Variants in NPHP4 observed in about 807,000 individuals in gnomAD.
The protein encoded by NPHP4 is nephrocystin-4.
NPHP4 carries 151 observed loss-of-function variants against 155.8 expected under a neutral mutation model. The ratio of observed to expected loss-of-function variants is 0.97; its 90% confidence interval spans 0.85 to 1.11. The LOEUF (loss-of-function observed/expected upper bound fraction) is 1.11, where lower values mean the gene tolerates loss of function less well. Among genes scored for constraint, NPHP4 ranks in the 50% least tolerant of loss-of-function variants. NPHP4 has a pLI of 0.00. For synonymous variants in NPHP4, 845 were observed against 816.8 expected (o/e 1.03, Z -0.59); for missense variants, 1,956 against 1,925.7 (o/e 1.02, Z -0.29).
Position 5,905,533 on chromosome 1 carries a change from T to C in NPHP4, c.1764-50A>G, listed in dbSNP as rs368710399. 118 of 1,595,978 alleles carry C rather than the reference T, an allele frequency of 7.4e-5. No individual in the cohort carries two copies. Among genetic ancestry groups the C allele is most frequent in the Non-Finnish European group, 9.2e-5 (107 of 1,166,118 alleles). ...AGCCTCCCGGGAAAGGGGGGACCCA[T>C]TGATGCACCTCCCTGTGGAAACCCT... On this transcript the variant is annotated intron_variant, in intron 14 of 29. Transcript: ENST00000378156. This position sits in a 1 kb window ranked among gnomAD's most constrained non-coding sequence, Gnocchi z 4.0.
chr1:5,923,548 C>G (rs114395922), intron 11 of NPHP4, among the ~76,000 whole-genome samples: 2,315 of 152,276 alleles, frequency 0.015, 59 homozygotes, highest in African/African-American at 0.053. Flanking sequence ...GAAAGAACCA[C>G]CAGAGAGGAT....
chr1:5,931,813 G>A (rs992459128), intron 10 of NPHP4, among the ~76,000 whole-genome samples: 3 of 149,884 alleles, frequency 2.0e-5, no homozygotes, highest in African/African-American at 4.9e-5. Context: ...GGTGACTCAC[G>A]CCTATAATCC....
chr1:5,869,233 GCACACACA>G (rs71571877), intron 23 of NPHP4, among the ~76,000 whole-genome samples: 4 of 92,782 alleles, frequency 4.3e-5, no homozygotes, highest in African/African-American at 9.4e-5. Flanking sequence ...CCACCCACAT[GCACACACA>G]CACACACACA....
intron 5 of NPHP4, among the ~76,000 whole-genome samples, chr1:5,965,720 A>G (rs1333163587): frequency 6.6e-6 from 1 of 152,038 alleles, no homozygotes; most frequent in Admixed American, 6.6e-5. Flanking sequence ...TTCTTCCCTC[A>G]GGACTGGAAC....
chr1:5,937,930 G>A (rs958259885), intron 9 of NPHP4, among the ~76,000 whole-genome samples: 4 of 152,216 alleles, frequency 2.6e-5, no homozygotes, highest in South Asian at 2.1e-4. Flanking sequence ...CTGGGAACAC[G>A]CGCAGTCACA....
At chr1:5,897,919 A>G (rs1021398091) in intron 16 of NPHP4, among the ~76,000 whole-genome samples, 9 of 152,266 alleles carry the variant, frequency 5.9e-5, no homozygotes, top group African/African-American at 1.7e-4. Context: ...ATAAACAGTT[A>G]AGCAATGTTC....
intron 27 of NPHP4, chr1:5,864,899 G>A (rs1451751788): frequency 3.4e-6 from 2 of 579,792 alleles, no homozygotes; most frequent in African/African-American, 1.9e-5. Flanking sequence ...GGCCTTTGGG[G>A]TTGGTGTGTA....
intron 3 of NPHP4, among the ~76,000 whole-genome samples, chr1:5,970,588 C>A (rs1036856422): frequency 6.6e-6 from 1 of 152,118 alleles, no homozygotes; most frequent in African/African-American, 2.4e-5. Flanking sequence ...AGGGAATGCG[C>A]ATCCCCAGGC....
chr1:5,977,637 T>C (rs10864303), intron 3 of NPHP4, among the ~76,000 whole-genome samples: 126,226 of 150,482 alleles, frequency 0.84, 53,171 homozygotes, highest in African/African-American at 0.94. Context: ...GAATGGAATG[T>C]ATGCTGTGCA....
At chr1:5,922,411 T>C (rs1645787050) in intron 11 of NPHP4, among the ~76,000 whole-genome samples, 1 of 152,222 alleles carries the variant, frequency 6.6e-6, no homozygotes, top group Non-Finnish European at 1.5e-5. Flanking sequence ...TTTTGTCCCA[T>C]TATCTATTTA....
intron 1 of NPHP4, among the ~76,000 whole-genome samples, chr1:5,991,803 C>G (rs1656368054): frequency 6.6e-6 from 1 of 151,868 alleles, no homozygotes; most frequent in South Asian, 2.1e-4. Context: ...CGGAGGGGCG[C>G]GGCCAGGCGG....
chr1:5,983,351 T>G lies in NPHP4; in HGVS notation c.135+2804A>C, dbSNP rs559221911. Among the ~76,000 whole-genome samples, 5 of 152,326 alleles carry G rather than the reference T, an allele frequency of 3.3e-5. No individual in the cohort carries two copies. In the South Asian group the frequency reaches 1.0e-3, roughly 32 times the overall value. ...CTGGGAACTTAGATTTCAAGAGAGT[T>G]CCTACCACCTAACTGGTAAGAGGAG... On this transcript the variant is annotated intron_variant, in intron 2 of 29. Transcript: ENST00000378156.
Position 5,867,195 on chromosome 1 carries a change from T to C in NPHP4, c.3473-80A>G, listed in dbSNP as rs1641329636. The C allele has an allele frequency of 1.8e-6, 2 of 1,089,884 alleles. No homozygotes were observed. The highest frequency in any genetic ancestry group is 2.0e-5 in the Admixed American group (1 of 49,048). The allele number at this position is 1,089,884 out of a possible 1,614,324, so 67.5% of individuals were successfully genotyped here. A position where few individuals can be genotyped will look rare whatever the true frequency, so the allele number is the denominator to read the frequency against. On this transcript the variant is annotated intron_variant, in intron 24 of 29. Transcript: ENST00000378156. This position sits in a 1 kb window ranked among gnomAD's most constrained non-coding sequence, Gnocchi z 4.1. ...AGAAGGCCCCACACATTACACACTA[T>C]AGGACAGGACAGGCTCGTCACAGGT...
At chr1:5,991,142 G>T (rs535560218) in intron 1 of NPHP4, among the ~76,000 whole-genome samples, 1 of 152,240 alleles carries the variant, frequency 6.6e-6, no homozygotes, top group African/African-American at 2.4e-5. Flanking sequence ...CTGAGACCCA[G>T]ATGCCTTGGG....
chr1:5,981,281 C>T (rs1025742178), intron 2 of NPHP4, among the ~76,000 whole-genome samples: 2 of 152,170 alleles, frequency 1.3e-5, no homozygotes, highest in South Asian at 2.1e-4. Context: ...CCTCCCACCA[C>T]CTCTATGCTA....
At position 5,952,129 on chromosome 1, in the gene NPHP4, G is replaced by A. The variant is rs556503070; in HGVS notation, c.810+571C>T. Among the ~76,000 whole-genome samples the A allele has an allele frequency of 2.6e-4, 40 of 152,302 alleles. No homozygotes were observed. In the South Asian group the frequency reaches 3.1e-3, roughly 12 times the overall value. On this transcript the variant is annotated intron_variant, in intron 7 of 29. Transcript: ENST00000378156. The stretch of plus-strand genomic sequence containing the variant: ...AGTGTGAACAGGCTCTCAGTGACCA[G>A]AACACAATGACCTGTGACACGGGCA...
At chr1:5,975,501 C>T (rs1653390889) in intron 3 of NPHP4, among the ~76,000 whole-genome samples, 1 of 152,184 alleles carries the variant, frequency 6.6e-6, no homozygotes, top group Non-Finnish European at 1.5e-5. Context: ...ATTCCAAGTC[C>T]AAGGGTGCAG....
At chr1:5,885,194 C>T (rs1643682224) in intron 18 of NPHP4, among the ~76,000 whole-genome samples, 1 of 150,566 alleles carries the variant, frequency 6.6e-6, no homozygotes, top group African/African-American at 2.5e-5. Flanking sequence ...TGTCCAAGCT[C>T]CCAGCTGAAC....
At chr1:5,865,307 C>G (rs754324217) in intron 26 of NPHP4, 34 bp from the exon 27 acceptor site, 10 of 1,494,122 alleles carry the variant, frequency 6.7e-6, no homozygotes, top group Non-Finnish European at 8.1e-6. Context: ...GCACTTGTCC[C>G]GGAGGACTCA....
Sources: gnomAD v4.1 joint callset for allele counts (sites outside exome capture counted in the v4.1 genomes callset) on GRCh38, gnomAD v4.1.1 for gene constraint, Gnocchi (gnomAD v3.1) non-coding constraint, MANE v1.5 for transcripts, NCBI Gene and HGNC (gene_info 2026-07-23, HGNC 2026-07-21) for gene names.